The following ATP8A1 variants were observed in gnomAD, a reference collection of about 807,000 sequenced individuals.
The protein encoded by ATP8A1 is ATPase phospholipid transporting 8A1.
Under a neutral mutation model 177.7 loss-of-function variants are expected in ATP8A1, and 90 were observed. The ratio of observed to expected loss-of-function variants is 0.51; its 90% CI spans 0.43 to 0.60. ATP8A1 has a LOEUF of 0.60. Among genes scored for constraint, ATP8A1 ranks in the 20% least tolerant of loss-of-function variants. ATP8A1 has a pLI of 0.00. For missense variants in ATP8A1, 1,072 were observed against 1,392.8 expected (o/e 0.77, Z 3.67); for synonymous variants, 493 against 485.9 (o/e 1.01, Z -0.19).
rs904596749 is a variant in ATP8A1, at chr4:42,601,565, T to C, written c.410-1047A>G. ...ATAAAAATAAAAATAAAAATAAAAA[T>C]AAAACAGGATAAGAGAGTATGTGAG... On this transcript the variant is annotated intron_variant, in intron 5 of 36. Coordinates refer to ENST00000381668, the MANE Select transcript of ATP8A1 (RefSeq NM_006095.2). Among the ~76,000 whole-genome samples, 23 of 151,668 alleles carry C rather than the reference T, an allele frequency of 1.5e-4. 1 individual carries two copies. The highest frequency in any genetic ancestry group is 2.0e-4 in the Admixed American group (3 of 15,226).
chr4:42,424,114 G>T (rs1176535624), intron 33 of ATP8A1, among the ~76,000 whole-genome samples: 1 of 151,858 alleles, frequency 6.6e-6, no homozygotes, highest in African/African-American at 2.4e-5. Context: ...CTTAATTTTT[G>T]TTCAATGATT....
At chr4:42,536,591 G>C (rs925644001) in intron 20 of ATP8A1, among the ~76,000 whole-genome samples, 1 of 152,154 alleles carries the variant, frequency 6.6e-6, no homozygotes, top group African/African-American at 2.4e-5. Flanking sequence ...TCCTTTCAGA[G>C]TCATTCTATG....
At chr4:42,520,581 G>A (rs997505290) in intron 22 of ATP8A1, among the ~76,000 whole-genome samples, 1 of 151,942 alleles carries the variant, frequency 6.6e-6, no homozygotes, top group Non-Finnish European at 1.5e-5. Context: ...GAAGAAGTGG[G>A]GAAGATAGGC....
chr4:42,436,824 T>G (rs1433570785), intron 33 of ATP8A1, among the ~76,000 whole-genome samples: 1 of 152,202 alleles, frequency 6.6e-6, no homozygotes, highest in Non-Finnish European at 1.5e-5. Flanking sequence ...TAAAAGCTGA[T>G]AGATCAATAA....
intron 4 of ATP8A1, among the ~76,000 whole-genome samples, chr4:42,619,161 C>G (rs1204042151): frequency 6.6e-6 from 1 of 151,864 alleles, no homozygotes; most frequent in Non-Finnish European, 1.5e-5. Flanking sequence ...GCCATTCTCA[C>G]CAGTATGATT....
rs1316931454 is a variant in ATP8A1 at position 42,410,659 on chromosome 4, G to A, written c.*2257C>T. On this transcript the variant is annotated 3_prime_UTR_variant, in exon 37 of 37. Transcript: ENST00000381668. ...TTCAAAAACAGGACGATGGGACAAA[G>A]AGGCTCAAATTAGTCACATTTCAGA... The A allele has an allele frequency of 2.6e-5, 4 of 152,158 alleles. No homozygotes were observed. The highest frequency in any genetic ancestry group is 4.4e-5 in the Non-Finnish European group (3 of 68,026). The allele number at this position is 152,158 out of a possible 1,614,324, so 9.4% of individuals were successfully genotyped here. A position where few individuals can be genotyped will look rare whatever the true frequency, so the allele number is the denominator to read the frequency against.
intron 32 of ATP8A1, 78 bp from the exon 33 acceptor site, chr4:42,443,750 T>G: frequency 1.4e-6 from 1 of 700,032 alleles, no homozygotes; most frequent in Non-Finnish European, 2.6e-6. Context: ...TCTCTCAAAT[T>G]CCCTTATTAA....
chr4:42,605,568 A>G (rs544405311), intron 5 of ATP8A1, among the ~76,000 whole-genome samples: 37 of 152,324 alleles, frequency 2.4e-4, no homozygotes, highest in Admixed American at 1.5e-3. Context: ...TGGCACTTAC[A>G]TGGAAAACCG....
intron 4 of ATP8A1, among the ~76,000 whole-genome samples, chr4:42,622,743 C>T (rs1737609358): frequency 6.6e-6 from 1 of 152,132 alleles, no homozygotes; most frequent in Non-Finnish European, 1.5e-5. Context: ...GGTGCAGTGG[C>T]TCACGCCTGT....
chr4:42,483,386 A>AG (rs1041622076), intron 25 of ATP8A1, among the ~76,000 whole-genome samples: 1 of 151,826 alleles, frequency 6.6e-6, no homozygotes, highest in African/African-American at 2.4e-5. Flanking sequence ...AGAAAAAAAA[A>AG]AAAAAAACCT....
chr4:42,526,956 T>C (rs1357721916), intron 20 of ATP8A1, among the ~76,000 whole-genome samples: 8 of 151,230 alleles, frequency 5.3e-5, no homozygotes, highest in South Asian at 4.2e-4. Context: ...ATAAATGCAT[T>C]TGACATTCCT....
chr4:42,593,878 A>T lies in ATP8A1; in HGVS notation c.451-2994T>A, dbSNP rs555547226. Among the ~76,000 whole-genome samples the T allele has an allele frequency of 1.2e-4, 19 of 152,120 alleles. No homozygotes were observed. The South Asian group carries it at 3.1e-3, about 25-fold the overall frequency. ...TAATGGCAAAAAGAATCATTCATCC[A>T]TTTTTTTATACCATTCCATCATAAT... On this transcript the variant is annotated intron_variant, in intron 6 of 36. Transcript: ENST00000381668.
intron 16 of ATP8A1, 35 bp from the exon 17 acceptor site, chr4:42,552,645 C>T (rs778430917): frequency 2.7e-6 from 4 of 1,471,878 alleles, no homozygotes; most frequent in South Asian, 1.2e-5. Context: ...AAGCCCTTCT[C>T]ATGTGAACAT....
At chr4:42,495,264 T>C (rs1034683307) in intron 24 of ATP8A1, among the ~76,000 whole-genome samples, 16 of 152,346 alleles carry the variant, frequency 1.1e-4, no homozygotes, top group African/African-American at 2.9e-4. Context: ...TATGACCATA[T>C]CAAGTATGGA....
chr4:42,467,487 A>G (rs1012443782), intron 25 of ATP8A1, among the ~76,000 whole-genome samples: 1 of 152,084 alleles, frequency 6.6e-6, no homozygotes, highest in Non-Finnish European at 1.5e-5. Flanking sequence ...AGGTCAGGAG[A>G]TCGAGACCAG....
At chr4:42,539,680 T>G (rs2153205005) in intron 20 of ATP8A1, among the ~76,000 whole-genome samples, 1 of 152,122 alleles carries the variant, frequency 6.6e-6, no homozygotes, top group South Asian at 2.1e-4. Context: ...GATAAGAACA[T>G]ACACTGGAGA....
chr4:42,515,077 G>T (rs1725394971), intron 22 of ATP8A1, among the ~76,000 whole-genome samples: 1 of 152,150 alleles, frequency 6.6e-6, no homozygotes, highest in Admixed American at 6.5e-5. Flanking sequence ...TACCCCAATG[G>T]ATCACGTTGT....
rs965493561 is a variant in ATP8A1 at position 42,412,599 on chromosome 4, C to G, written c.*317G>C. On this transcript the variant is annotated 3_prime_UTR_variant, in exon 37 of 37. Coordinates refer to ENST00000381668, the MANE Select transcript of ATP8A1 (RefSeq NM_006095.2). The stretch of plus-strand genomic sequence containing the variant: ...CCAATAAACTGACAGTCAGTTACAG[C>G]CCCACAGTAATGGCATAAGAATACT... The G allele has an allele frequency of 5.0e-6, 1 of 199,070 alleles. No individual in the cohort carries two copies. Among genetic ancestry groups the G allele is most frequent in the African/African-American group, 2.3e-5 (1 of 42,896 alleles). 12.3% of individuals were successfully genotyped at this position (199,070 alleles called of 1,614,324 possible). A position where few individuals can be genotyped will look rare whatever the true frequency, so the allele number is the denominator to read the frequency against.
chr4:42,411,970 T>C lies in ATP8A1; in HGVS notation c.*946A>G, dbSNP rs1194435569. On this transcript the variant is annotated 3_prime_UTR_variant, in exon 37 of 37. Transcript: ENST00000381668. ...AATATTGCAACAGAAGCTTTGGAAA[T>C]CCCACGTAAATACGTAGCATATGTT... 6.6e-6 allele frequency: 1 copy of C among 152,204 alleles called. No individual in the cohort carries two copies. The highest frequency in any genetic ancestry group is 1.5e-5 in the Non-Finnish European group (1 of 68,030). The allele number at this position is 152,204 out of a possible 1,614,324, so 9.4% of individuals were successfully genotyped here. A position where few individuals can be genotyped will look rare whatever the true frequency, so the allele number is the denominator to read the frequency against.
Sources: allele counts gnomAD v4.1 joint callset (sites outside exome capture counted in the v4.1 genomes callset), GRCh38; gene constraint gnomAD v4.1.1; transcripts MANE v1.5; gene names NCBI Gene and HGNC (gene_info 2026-07-23, HGNC 2026-07-21).